The following CARD14 variants were observed in gnomAD, a reference collection of about 807,000 sequenced individuals.
CARD14 encodes caspase recruitment domain-containing protein 14.
A neutral mutation model predicts 111.5 loss-of-function variants in CARD14; 107 were observed. That is an observed-to-expected ratio of 0.96 (90% confidence interval 0.82 to 1.13). The LOEUF is 1.13. CARD14 is among the 50% of genes most tolerant of loss of function. CARD14 has a pLI of 0.00. For missense variants in CARD14, 1,322 were observed against 1,362.3 expected (o/e 0.97, Z 0.47); for synonymous variants, 617 against 579.6 (o/e 1.06, Z -0.93).
chr17:80,184,173 C>T lies in CARD14; in HGVS notation c.610C>T (p.His204Tyr). The change falls in exon 7 of 24, where the codon CAC becomes TAC. Residue 204 changes from histidine (H) to tyrosine (Y), a missense_variant. Transcript: ENST00000648509. Reference sequence around the variant, plus strand: ...GGACGAGATGCTCAGCCTCTCGCTGCACTATAGCAATGCGCTGCAGGAGAA... The same window carrying T: ...GGACGAGATGCTCAGCCTCTCGCTGTACTATAGCAATGCGCTGCAGGAGAA... ...LKDEMLSLSL[H>Y]YSNALQEKEL... The T allele has an allele frequency of 6.4e-7, 1 of 1,563,352 alleles. No homozygotes were observed. Among genetic ancestry groups the T allele is most frequent in the Non-Finnish European group, 8.7e-7 (1 of 1,154,104 alleles).
intron 12 of CARD14, among the ~76,000 whole-genome samples, chr17:80,194,853 C>T (rs1003590747): frequency 6.6e-6 from 1 of 152,128 alleles, no homozygotes; most frequent in East Asian, 1.9e-4. Flanking sequence ...CAATTCAAGG[C>T]GAGATTTGAG....
At chr17:80,197,967 A>T (rs1405806861) in intron 14 of CARD14, 132 bp from the exon 15 acceptor site, 3 of 797,504 alleles carry the variant, frequency 3.8e-6, no homozygotes, top group South Asian at 2.9e-5. Flanking sequence ...AGGTTACAGG[A>T]GGTTACAGGA....
chr17:80,180,793 C>A (rs1221675904), intron 4 of CARD14, among the ~76,000 whole-genome samples: 5 of 151,226 alleles, frequency 3.3e-5, no homozygotes, highest in Non-Finnish European at 7.4e-5. Context: ...GACAGGGTCT[C>A]CCTCTGTCAC....
intron 2 of CARD14, among the ~76,000 whole-genome samples, chr17:80,177,346 C>T (rs923859403): frequency 2.6e-5 from 4 of 152,122 alleles, no homozygotes; most frequent in Admixed American, 6.5e-5. Context: ...CCCACCTCAG[C>T]CTCCTAAGTA....
At position 80,207,087 on chromosome 17, in the gene CARD14, T is replaced by C; in HGVS notation, c.2807+2T>C. On this transcript the variant is annotated splice_donor_variant, in intron 23 of 23. Coordinates refer to ENST00000648509, the MANE Select transcript of CARD14 (RefSeq NM_001366385.1). LOFTEE classifies it high-confidence loss of function. ...CGAGAAGATGGCAAAGAAGCTCAAG[T>C]AGGTGCACGCTGGGGGCTGGGCAGG... The C allele has an allele frequency of 1.2e-6, 2 of 1,609,286 alleles. No individual in the cohort carries two copies. Among genetic ancestry groups the C allele is most frequent in the Non-Finnish European group, 1.7e-6 (2 of 1,176,000 alleles).
intron 2 of CARD14, among the ~76,000 whole-genome samples, chr17:80,176,618 TAGAC>T (rs886250471): frequency 6.6e-6 from 1 of 152,128 alleles, no homozygotes; most frequent in African/African-American, 2.4e-5. Context: ...GACATCCTGA[TAGAC>T]AGGGGGCCTG....
At chr17:80,192,927 T>G (rs1262231229) in intron 12 of CARD14, among the ~76,000 whole-genome samples, 2 of 152,078 alleles carry the variant, frequency 1.3e-5, no homozygotes, top group African/African-American at 4.8e-5. Context: ...AATTTTTGTG[T>G]TTTTAGTAGA....
rs556407604 is a variant in CARD14 at position 80,205,741 on chromosome 17, C to T, written c.2691+89C>T. On this transcript the variant is annotated intron_variant, in intron 22 of 23. Coordinates refer to ENST00000648509, the MANE Select transcript of CARD14 (RefSeq NM_001366385.1). ...GGGGGATGAGATAAAGGTACAGGGA[C>T]CGACCTGAGACCTGGGTGACCTTGT... The T allele has an allele frequency of 4.4e-6, 6 of 1,355,904 alleles. No homozygotes were observed. The African/African-American group carries it at 5.9e-5, about 13-fold the overall frequency. The allele number at this position is 1,355,904 out of a possible 1,614,324, so 84.0% of individuals were successfully genotyped here.
At chr17:80,196,603 C>T (rs1472741774) in intron 14 of CARD14, 3 of 152,252 alleles carry the variant, frequency 2.0e-5, no homozygotes, top group Non-Finnish European at 4.4e-5. Context: ...TCTCAGGTCT[C>T]TGCTGGCCCT....
intron 7 of CARD14, among the ~76,000 whole-genome samples, chr17:80,187,305 TC>T (rs1040066936): frequency 4.6e-5 from 7 of 152,016 alleles, no homozygotes; most frequent in Admixed American, 2.0e-4. Context: ...GTAATTCACC[TC>T]CCCCCGCCAG....
chr17:80,193,195 GTTTCCA>G (rs2040582509), intron 12 of CARD14, among the ~76,000 whole-genome samples: 4 of 152,208 alleles, frequency 2.6e-5, no homozygotes, highest in Admixed American at 2.6e-4. Flanking sequence ...GTGGACATGA[GTTTCCA>G]GGGGAACCGA....
intron 12 of CARD14, among the ~76,000 whole-genome samples, chr17:80,194,718 G>A (rs2040648196): frequency 1.3e-5 from 2 of 152,150 alleles, no homozygotes; most frequent in Admixed American, 1.3e-4. Flanking sequence ...AAAGGGGGAA[G>A]CCCTTTATAA....
At chr17:80,171,681 G>A (rs1483721702) in intron 1 of CARD14, among the ~76,000 whole-genome samples, 2 of 152,170 alleles carry the variant, frequency 1.3e-5, no homozygotes, top group African/African-American at 2.4e-5. Flanking sequence ...GTGTGGCTCT[G>A]GGGGCTCCAG....
rs910681960 is a variant in CARD14 at position 80,189,223 on chromosome 17, G to T, written c.844-530G>T. On this transcript the variant is annotated intron_variant, in intron 8 of 23. Transcript: ENST00000648509. The surrounding 1 kb of genome is among the most constrained non-coding windows in gnomAD (Gnocchi z 4.7). The stretch of plus-strand genomic sequence containing the variant: ...AAAGACTCCGCCCTCTGGGCCTCAG[G>T]TGCACTGGAGAGAGGGGGGCTCTGA... Among the ~76,000 whole-genome samples, 9 of 152,198 alleles carry T rather than the reference G, an allele frequency of 5.9e-5. No homozygotes were observed. Among genetic ancestry groups the T allele is most frequent in the Admixed American group, 2.0e-4 (3 of 15,272 alleles).
chr17:80,195,688 C>A lies in CARD14; in HGVS notation c.1594+36C>A. The A allele has an allele frequency of 6.4e-7, 1 of 1,558,420 alleles. No individual in the cohort carries two copies. Among genetic ancestry groups the A allele is most frequent in the Non-Finnish European group, 8.8e-7 (1 of 1,137,992 alleles). On this transcript the variant is annotated intron_variant, in intron 14 of 23. Coordinates refer to ENST00000648509, the MANE Select transcript of CARD14 (RefSeq NM_001366385.1). This position sits in a 1 kb window ranked among gnomAD's most constrained non-coding sequence, Gnocchi z 4.7. ...CCAACCCTGAACCTCCACAGCAGTC[C>A]ACCTCCCCTGGGCAGAGCAGGGAGC...
rs150486697 is a variant in CARD14, at chr17:80,201,356, G to A, written c.1852-388G>A. 24 of 198,114 alleles carry A rather than the reference G, an allele frequency of 1.2e-4. No homozygotes were observed. In the East Asian group the frequency reaches 1.9e-3, roughly 16 times the overall value. 12.3% of individuals were successfully genotyped at this position (198,114 alleles called of 1,614,324 possible). ...TGCCACTCAGCATCCTGTAGGGCCC[G>A]GTATAGCCCGCAGCAGCACAGAATG... On this transcript the variant is annotated intron_variant, in intron 16 of 23. Coordinates refer to ENST00000648509, the MANE Select transcript of CARD14 (RefSeq NM_001366385.1). The surrounding 1 kb of genome is among the most constrained non-coding windows in gnomAD (Gnocchi z 5.0).
chr17:80,174,067 G>A (rs935799046), intron 2 of CARD14, among the ~76,000 whole-genome samples: 1 of 152,124 alleles, frequency 6.6e-6, no homozygotes, highest in Non-Finnish European at 1.5e-5. Flanking sequence ...GCTGGGTTTG[G>A]TGGCTCAGAC....
Position 80,208,617 on chromosome 17 carries a change from G to C in CARD14, c.*272G>C. ...TGGAAACCCTGAGAATGTTTCTGCA[G>C]TGGGACAGGAGGGACGTCTTCCCAT... On this transcript the variant is annotated 3_prime_UTR_variant, in exon 24 of 24. Transcript: ENST00000648509. 1 of 417,814 alleles carries C rather than the reference G, an allele frequency of 2.4e-6. No individual in the cohort carries two copies. Among genetic ancestry groups the C allele is most frequent in the Non-Finnish European group, 4.2e-6 (1 of 235,854 alleles). The allele number at this position is 417,814 out of a possible 1,614,324, so 25.9% of individuals were successfully genotyped here. A position where few individuals can be genotyped will look rare whatever the true frequency, so the allele number is the denominator to read the frequency against.
rs763818218 is a variant in CARD14 at position 80,208,602 on chromosome 17, G to C, written c.*257G>C. 1 of 421,466 alleles carries C rather than the reference G, an allele frequency of 2.4e-6. No homozygotes were observed. Among genetic ancestry groups the C allele is most frequent in the Non-Finnish European group, 4.2e-6 (1 of 238,542 alleles). 26.1% of individuals were successfully genotyped at this position (421,466 alleles called of 1,614,324 possible). Reference sequence around the variant, plus strand: ...TGGCATGGTCTGAACTGGAAACCCTGAGAATGTTTCTGCAGTGGGACAGGA... The same window carrying C: ...TGGCATGGTCTGAACTGGAAACCCTCAGAATGTTTCTGCAGTGGGACAGGA... On this transcript the variant is annotated 3_prime_UTR_variant, in exon 24 of 24. Transcript: ENST00000648509.
Sources: gnomAD v4.1 joint callset for allele counts (sites outside exome capture counted in the v4.1 genomes callset) on GRCh38, gnomAD v4.1.1 for gene constraint, Gnocchi (gnomAD v3.1) non-coding constraint, MANE v1.5 for transcripts, NCBI Gene and HGNC (gene_info 2026-07-23, HGNC 2026-07-21) for gene names.